Variants in ALDH6A1 observed in about 807,000 individuals in gnomAD.
ALDH6A1 encodes methylmalonate-semialdehyde/malonate-semialdehyde dehydrogenase [acylating], mitochondrial.
ALDH6A1 carries 43 observed loss-of-function variants against 62.6 expected under a neutral mutation model. That is an observed-to-expected ratio of 0.69 (90% CI 0.54 to 0.89). The LOEUF is 0.89. ALDH6A1 is among the 40% of genes least tolerant of loss of function. ALDH6A1 has a pLI of 0.00. For missense variants in ALDH6A1, 551 were observed against 661.3 expected, an observed-to-expected ratio of 0.83 and a Z score of 1.83; for synonymous variants, 194 against 234.2, an observed-to-expected ratio of 0.83 and a Z score of 1.57.
In ALDH6A1 at chr14:74,070,960, C is replaced by G; in HGVS notation, c.730+235G>C. 5.4e-6 allele frequency: 3 copies of G among 554,672 alleles called. No individual in the cohort carries two copies. The East Asian group carries it at 9.5e-5, about 17-fold the overall frequency. The allele number at this position is 554,672 out of a possible 1,614,324, so 34.4% of individuals were successfully genotyped here. On this transcript the variant is annotated intron_variant, in intron 6 of 11. Coordinates refer to ENST00000553458, the MANE Select transcript of ALDH6A1 (RefSeq NM_005589.4). ...TTTTTAATCTTATCTGTGTCTAGCC[C>G]TAATCCATATTTCTAGTGTCCCAAT...
rs2060484582 is a variant in ALDH6A1 at position 74,067,436 on chromosome 14, G to A, written c.986C>T (p.Ala329Val). ...ALSTAVLVGE[A>V]KKWLPELVEH... ...CACCAGCTCTGGCAGCCACTTCTTGGCTTCTCCCACAAGGACTGCTGTTGA... is the reference window on the plus strand; with the variant it reads ...CACCAGCTCTGGCAGCCACTTCTTGACTTCTCCCACAAGGACTGCTGTTGA... The change falls in exon 8 of 12, where the codon GCC (alanine) becomes GTC (valine). Residue 329 changes from alanine (A) to valine (V), a missense_variant. Coordinates refer to ENST00000553458, the MANE Select transcript of ALDH6A1 (RefSeq NM_005589.4). 2.5e-6 allele frequency: 4 copies of A among 1,613,946 alleles called. No homozygotes were observed. The highest frequency in any genetic ancestry group is 3.4e-6 in the Non-Finnish European group (4 of 1,180,058).
intron 6 of ALDH6A1, among the ~76,000 whole-genome samples, chr14:74,069,718 G>A (rs1034860520): frequency 1.3e-5 from 2 of 151,792 alleles, no homozygotes; most frequent in Non-Finnish European, 2.9e-5. Flanking sequence ...GTGCCATTGC[G>A]CCTCAGCCTG....
At chr14:74,066,462 C>T (rs898355696) in intron 9 of ALDH6A1, among the ~76,000 whole-genome samples, 1 of 152,052 alleles carries the variant, frequency 6.6e-6, no homozygotes, top group Non-Finnish European at 1.5e-5. Context: ...ACACTATATC[C>T]CTGCAAAGCT....
chr14:74,078,411 T>A (rs2060636369), intron 1 of ALDH6A1: 1 of 348,826 alleles, frequency 2.9e-6, no homozygotes, highest in African/African-American at 2.2e-5. Flanking sequence ...TGGAATGCAG[T>A]GGCATGATCA....
chr14:74,075,834 T>C (rs3926373), intron 1 of ALDH6A1, among the ~76,000 whole-genome samples: 36,613 of 152,040 alleles, frequency 0.24, 4,981 homozygotes, highest in South Asian at 0.46. Context: ...ACCCAATGTC[T>C]ACCATTGGAT....
In ALDH6A1 at chr14:74,071,361, A is replaced by G; in HGVS notation, c.564T>C (p.Pro188=). 1 of 1,614,208 alleles carries G rather than the reference A, an allele frequency of 6.2e-7. No individual in the cohort carries two copies. The highest frequency in any genetic ancestry group is 1.1e-5 in the South Asian group (1 of 91,086). ...GAAACATCCAAAGGGGGATCATGGC[A>G]GGAAAATTGAATGGAGCAATGCCTG... ...VCAGIAPFNF[P]AMIPLWMFPM... is the part of the protein sequence containing the mutation. Residue 188 remains proline (P), a synonymous_variant, in exon 6 of 12, where the codon CCT becomes CCC. Transcript: ENST00000553458.
At chr14:74,070,247 A>C (rs1331704099) in intron 6 of ALDH6A1, among the ~76,000 whole-genome samples, 2 of 151,942 alleles carry the variant, frequency 1.3e-5, no homozygotes, top group Admixed American at 1.3e-4. Flanking sequence ...GGCAAGGCAC[A>C]GTGGCTCACA....
intron 1 of ALDH6A1, 122 bp downstream of exon 1, chr14:74,084,225 T>A (rs2060699518): frequency 7.0e-7 from 1 of 1,435,242 alleles, no homozygotes; most frequent in Non-Finnish European, 9.6e-7. Context: ...ACAGGTCGGG[T>A]AGGAGGTCTG....
chr14:74,074,875 A>G, intron 2 of ALDH6A1, 80 bp downstream of exon 2: 4 of 1,405,454 alleles, frequency 2.8e-6, no homozygotes, highest in Non-Finnish European at 4.0e-6. Context: ...TCTGATGACA[A>G]TTATGTAAAG....
At chr14:74,067,059 T>TA (rs1192349131) in intron 8 of ALDH6A1, among the ~76,000 whole-genome samples, 173 bp from the exon 9 acceptor site, 2 of 151,752 alleles carry the variant, frequency 1.3e-5, no homozygotes, top group African/African-American at 2.4e-5. Context: ...TTACAAAAAA[T>TA]AAAAAAATTA....
chr14:74,058,227 T>G lies in ALDH6A1; in HGVS notation c.*2415A>C, dbSNP rs1009944254. ...CTGTAATCCCAGCTACTCGGGAGACTGAGGCAGGAGAATTACTTGAACCCA... is the reference window on the plus strand; with the variant it reads ...CTGTAATCCCAGCTACTCGGGAGACGGAGGCAGGAGAATTACTTGAACCCA... On this transcript the variant is annotated 3_prime_UTR_variant, in exon 12 of 12. Coordinates refer to ENST00000553458, the MANE Select transcript of ALDH6A1 (RefSeq NM_005589.4). The G allele has an allele frequency of 7.2e-5, 11 of 152,254 alleles. No homozygotes were observed. Among genetic ancestry groups the G allele is most frequent in the African/African-American group, 2.4e-4 (10 of 41,402 alleles). The allele number at this position is 152,254 out of a possible 1,614,324, so 9.4% of individuals were successfully genotyped here.
chr14:74,066,781 A>C lies in ALDH6A1; in HGVS notation c.1148T>G (p.Leu383Arg), dbSNP rs2060473552. The C allele has an allele frequency of 6.2e-7, 1 of 1,613,888 alleles. No individual in the cohort carries two copies. The highest frequency in any genetic ancestry group is 1.3e-5 in the African/African-American group (1 of 74,912). ...SGTKEGASIL[L>R]DGRKIKVKGY... is the part of the protein sequence containing the mutation. ...TTTCACTTTAATTTTTCGTCCATCA[A>C]GAAGGATGGAAGCTCCCTCCTTTGT... is the stretch of plus-strand genomic sequence containing the variant. The change falls in exon 9 of 12, where the codon CTT (leucine) becomes CGT (arginine). Residue 383 changes from leucine to arginine, a missense_variant. Leu to Arg is a moderately radical substitution (Grantham distance 102). Transcript: ENST00000553458.
rs1595117769 is a variant in ALDH6A1 at position 74,066,600 on chromosome 14, A to G, written c.1224+105T>C. On this transcript the variant is annotated intron_variant, in intron 9 of 11. Coordinates refer to ENST00000553458, the MANE Select transcript of ALDH6A1 (RefSeq NM_005589.4). ...TAATTGATCAATCCTGGCAAGAGAT[A>G]AGGTCTTAGTCATTAAGTATTTTCA... 6.1e-6 allele frequency: 7 copies of G among 1,151,122 alleles called. No individual in the cohort carries two copies. The Admixed American group carries it at 1.3e-4, about 21-fold the overall frequency. The allele number at this position is 1,151,122 out of a possible 1,614,324, so 71.3% of individuals were successfully genotyped here. A position where few individuals can be genotyped will look rare whatever the true frequency, so the allele number is the denominator to read the frequency against.
At chr14:74,068,442 A>G (rs2060502864) in intron 7 of ALDH6A1, among the ~76,000 whole-genome samples, 1 of 151,634 alleles carries the variant, frequency 6.6e-6, no homozygotes, top group Non-Finnish European at 1.5e-5. Context: ...GTTCATGATT[A>G]AAGAGAAGAC....
intron 2 of ALDH6A1, among the ~76,000 whole-genome samples, chr14:74,073,917 CA>C (rs5809643): frequency 0.13 from 10,070 of 76,886 alleles, 362 homozygotes; most frequent in South Asian, 0.33. Flanking sequence ...GACTCCATCT[CA>C]AAAAAAAAAA....
chr14:74,081,305 A>G (rs1430350565), intron 1 of ALDH6A1: 2 of 152,232 alleles, frequency 1.3e-5, no homozygotes, highest in African/African-American at 4.8e-5. Context: ...ATTTTGCACA[A>G]TGAAAGAATG....
At chr14:74,077,312 C>T (rs1213219094) in intron 1 of ALDH6A1, among the ~76,000 whole-genome samples, 3 of 152,144 alleles carry the variant, frequency 2.0e-5, no homozygotes, top group Non-Finnish European at 4.4e-5. Flanking sequence ...CAATACTTCC[C>T]GTTTCAGGCT....
chr14:74,069,326 A>C, intron 6 of ALDH6A1: 1 of 319,792 alleles, frequency 3.1e-6, no homozygotes, highest in Non-Finnish European at 6.0e-6. Flanking sequence ...CTGGTCTTGA[A>C]CTCCTGACCT....
chr14:74,079,807 G>C (rs994957213), intron 1 of ALDH6A1, among the ~76,000 whole-genome samples: 1 of 152,108 alleles, frequency 6.6e-6, no homozygotes, highest in Non-Finnish European at 1.5e-5. Context: ...GGCCTCAAAT[G>C]ATCTGCCCAC....
Sources: allele counts gnomAD v4.1 joint callset (sites outside exome capture counted in the v4.1 genomes callset), GRCh38; gene constraint gnomAD v4.1.1; transcripts MANE v1.5; gene names NCBI Gene and HGNC (gene_info 2026-07-23, HGNC 2026-07-21).